The following ST18 variants were observed in gnomAD, a reference collection of about 807,000 sequenced individuals.
The protein encoded by ST18 is ST18 C2H2C-type zinc finger transcription factor, also known as suppression of tumorigenicity 18 protein.
A neutral mutation model predicts 110.0 loss-of-function variants in ST18; 50 were observed. The ratio of observed to expected loss-of-function variants is 0.45; its 90% CI spans 0.36 to 0.58. ST18 has a LOEUF of 0.58. Among genes scored for constraint, ST18 ranks in the 20% least tolerant of loss-of-function variants. ST18 has a pLI of 0.00. For missense variants in ST18, 1,306 were observed against 1,280.1 expected, an observed-to-expected ratio of 1.02 and a Z score of -0.31; for synonymous variants, 461 against 452.4, an observed-to-expected ratio of 1.02 and a Z score of -0.24.
At position 52,133,228 on chromosome 8, in the gene ST18, A is replaced by T; in HGVS notation, c.2363+11T>A. ...CTCATTTCCACATCTCAGAAATAAG[A>T]TCAATCCTACCTTCTGTGGGAAGCA... On this transcript the variant is annotated intron_variant, in intron 20 of 25. Coordinates refer to ENST00000689386, the MANE Select transcript of ST18 (RefSeq NM_001352837.2). 6.2e-7 allele frequency: 1 copy of T among 1,614,192 alleles called. No homozygotes were observed.
intron 8 of ST18, among the ~76,000 whole-genome samples, chr8:52,187,084 A>G (rs2072586753): frequency 6.6e-6 from 1 of 152,226 alleles, no homozygotes; most frequent in South Asian, 2.1e-4. Flanking sequence ...GCAGCCTGGT[A>G]TAATGTTCAG....
intron 2 of ST18, among the ~76,000 whole-genome samples, chr8:52,297,140 G>A (rs974467574): frequency 3.3e-5 from 5 of 152,322 alleles, no homozygotes; most frequent in African/African-American, 1.2e-4. Context: ...ACAGGGACCA[G>A]CCGCAGCCCT....
At chr8:52,142,040 G>A (rs1316818444) in intron 17 of ST18, among the ~76,000 whole-genome samples, 2 of 152,164 alleles carry the variant, frequency 1.3e-5, no homozygotes, top group African/African-American at 2.4e-5. Context: ...ACAATGGATT[G>A]TGGAGGAGGG....
At chr8:52,275,721 A>C (rs2095220633) in intron 2 of ST18, among the ~76,000 whole-genome samples, 1 of 152,090 alleles carries the variant, frequency 6.6e-6, no homozygotes, top group African/African-American at 2.4e-5. Flanking sequence ...AAGCCGATAA[A>C]ACCTGCGAGC....
chr8:52,185,799 A>G (rs1176983918), intron 8 of ST18, among the ~76,000 whole-genome samples: 1 of 152,230 alleles, frequency 6.6e-6, no homozygotes, highest in Non-Finnish European at 1.5e-5. Context: ...GCACTGTAAA[A>G]TAATAAAACT....
intron 22 of ST18, among the ~76,000 whole-genome samples, chr8:52,131,121 C>T (rs1469946164): frequency 1.3e-5 from 2 of 152,104 alleles, no homozygotes; most frequent in African/African-American, 2.4e-5. Context: ...TGATATCATC[C>T]GTATATAACT....
Position 52,303,184 on chromosome 8 carries a change from AG to A in ST18, c.-464-73108del, listed in dbSNP as rs1381063097. Reference sequence around the variant, plus strand: ...CCTGGAGGCCAGAAGTGTGAAGTCAAGGTGTCAGCAGGACCATGCACCCTCT... The same window carrying A: ...CCTGGAGGCCAGAAGTGTGAAGTCAAGTGTCAGCAGGACCATGCACCCTCT... On this transcript the variant is annotated intron_variant, in intron 2 of 25. Transcript: ENST00000689386. Among the ~76,000 whole-genome samples, 39 of 152,332 alleles carry A rather than the reference AG, an allele frequency of 2.6e-4. 1 individual carries two copies. Among genetic ancestry groups the A allele is most frequent in the Non-Finnish European group, 8.8e-5 (6 of 68,030 alleles).
intron 17 of ST18, among the ~76,000 whole-genome samples, chr8:52,141,081 G>A (rs766558304): frequency 2.6e-5 from 4 of 152,264 alleles, no homozygotes; most frequent in African/African-American, 4.8e-5. Context: ...GGAACCATCC[G>A]TTGTATCCGT....
chr8:52,210,101 CCACGGG>C (rs2081627008), intron 8 of ST18: 1 of 456,002 alleles, frequency 2.2e-6, no homozygotes, highest in African/African-American at 2.0e-5. Flanking sequence ...GGCCTCATGT[CCACGGG>C]CACACTGATT....
intron 3 of ST18, among the ~76,000 whole-genome samples, chr8:52,229,075 C>G (rs1441172322): frequency 6.6e-6 from 1 of 152,180 alleles, no homozygotes; most frequent in Non-Finnish European, 1.5e-5. Flanking sequence ...AATCAATATT[C>G]CAATTCTTAC....
intron 11 of ST18, 137 bp from the exon 12 acceptor site, chr8:52,165,362 C>A (rs2062621996): frequency 8.9e-6 from 7 of 788,426 alleles, no homozygotes; most frequent in Non-Finnish European, 1.5e-5. Flanking sequence ...TATTCAGACA[C>A]AAACAAGTGA....
intron 10 of ST18, among the ~76,000 whole-genome samples, chr8:52,168,687 T>C (rs1427726121): frequency 6.6e-6 from 1 of 152,132 alleles, no homozygotes; most frequent in Admixed American, 6.5e-5. Context: ...TTAGGAAAGA[T>C]AGGACCTAAA....
In ST18 at chr8:52,166,907, G is replaced by A. The variant is rs1409978308; in HGVS notation, c.1149C>T (p.Tyr383=). Residue 383 remains tyrosine (Y), a synonymous_variant, in exon 11 of 26, where the codon TAC becomes TAT. Coordinates refer to ENST00000689386, the MANE Select transcript of ST18 (RefSeq NM_001352837.2). The part of the protein sequence containing the change: ...CDGTGHVTGL[Y]PHHRSLSGCP... ...ACCCCGAAAGGCTGCGGTGGTGCGG[G>A]TAGAGCCCTGTCACGTGTCCCGTGC... The A allele has an allele frequency of 1.2e-6, 2 of 1,611,924 alleles. No homozygotes were observed. The highest frequency in any genetic ancestry group is 2.7e-5 in the African/African-American group (2 of 75,034).
chr8:52,260,441 G>A (rs556533453), intron 2 of ST18, among the ~76,000 whole-genome samples: 9 of 138,026 alleles, frequency 6.5e-5, no homozygotes, highest in Non-Finnish European at 1.3e-4. Flanking sequence ...GTGACATGTG[G>A]CATCACCAGC....
chr8:52,287,908 G>T (rs771655442), intron 2 of ST18, among the ~76,000 whole-genome samples: 5 of 152,158 alleles, frequency 3.3e-5, no homozygotes, highest in Non-Finnish European at 5.9e-5. Context: ...GAGACCCAGG[G>T]ACCAAGCTGA....
chr8:52,332,437 A>G (rs561520022), intron 2 of ST18, among the ~76,000 whole-genome samples: 1 of 151,780 alleles, frequency 6.6e-6, no homozygotes, highest in South Asian at 2.1e-4. Flanking sequence ...CGATGGAAGC[A>G]TATTCACTTG....
intron 16 of ST18, among the ~76,000 whole-genome samples, chr8:52,143,314 G>A (rs1040440517): frequency 1.3e-5 from 2 of 152,044 alleles, no homozygotes; most frequent in Non-Finnish European, 2.9e-5. Flanking sequence ...GTGAAATCCC[G>A]TCTCTACCAA....
At chr8:52,217,076 C>A (rs558886081) in intron 6 of ST18, among the ~76,000 whole-genome samples, 1 of 152,278 alleles carries the variant, frequency 6.6e-6, no homozygotes, top group Non-Finnish European at 1.5e-5. Context: ...AAGACTTGAT[C>A]GTCTTTACTG....
chr8:52,404,599 G>A (rs931914288), intron 2 of ST18: 4 of 152,168 alleles, frequency 2.6e-5, no homozygotes, highest in African/African-American at 4.8e-5. Flanking sequence ...GGTGCAAAGC[G>A]GAGGTGTGGG....
Sources: allele counts gnomAD v4.1 joint callset (sites outside exome capture counted in the v4.1 genomes callset), GRCh38; gene constraint gnomAD v4.1.1; transcripts MANE v1.5; gene names NCBI Gene and HGNC (gene_info 2026-07-23, HGNC 2026-07-21).